Variants in SV2C observed in about 807,000 individuals in gnomAD.
The protein encoded by SV2C is solute carrier family 22 member B3.
A neutral mutation model predicts 79.7 loss-of-function variants in SV2C; 49 were observed. That is an observed-to-expected ratio of 0.61 (90% CI 0.49 to 0.78). The LOEUF (loss-of-function observed/expected upper bound fraction) is 0.78, where lower values mean the gene tolerates loss of function less well. Ranked by LOEUF, SV2C falls within the 30% of genes least tolerant of loss-of-function variation. The pLI is 0.00. For synonymous variants in SV2C, 334 were observed against 333.2 expected (o/e 1.00, Z -0.03); for missense variants, 833 against 912.9 (o/e 0.91, Z 1.13).
chr5:76,311,633 A>G (rs554857965), intron 12 of SV2C, among the ~76,000 whole-genome samples: 1 of 152,354 alleles, frequency 6.6e-6, no homozygotes, highest in South Asian at 2.1e-4. Context: ...CAGAGAGCCT[A>G]TTATATGTAA....
the SV2C span, among the ~76,000 whole-genome samples, chr5:76,009,986 ATTTTGTTTTTT>A: frequency 2.0e-5 from 2 of 100,008 alleles, no homozygotes; most frequent in African/African-American, 7.7e-5. Flanking sequence ...TTACTTATCT[ATTTTGTTTTTT>A]TTTTTTTTTT....
At chr5:76,214,348 C>A (rs1744853459) in intron 4 of SV2C, among the ~76,000 whole-genome samples, 1 of 152,126 alleles carries the variant, frequency 6.6e-6, no homozygotes, top group African/African-American at 2.4e-5. Flanking sequence ...ACTGTATAAG[C>A]ATGGGTTTAT....
chr5:76,211,681 A>G (rs1273955785), intron 4 of SV2C, among the ~76,000 whole-genome samples: 1 of 152,210 alleles, frequency 6.6e-6, no homozygotes, highest in Non-Finnish European at 1.5e-5. Context: ...GAACATGGTA[A>G]TATTTCATTA....
chr5:76,353,084 G>A (rs1294665816), intron 12 of SV2C: 1 of 451,050 alleles, frequency 2.2e-6, no homozygotes, highest in Admixed American at 2.4e-5. Context: ...AGGACTACAG[G>A]TGGGAGCCAC....
At chr5:76,157,899 G>T (rs1054317289) in intron 2 of SV2C, among the ~76,000 whole-genome samples, 2 of 151,810 alleles carry the variant, frequency 1.3e-5, no homozygotes, top group Admixed American at 1.3e-4. Flanking sequence ...CATCACAAAA[G>T]GGGAGAAAAG....
chr5:75,896,070 A>ATT, the SV2C span, among the ~76,000 whole-genome samples: 2 of 151,378 alleles, frequency 1.3e-5, no homozygotes, highest in South Asian at 2.1e-4. Flanking sequence ...ATTTTATTTT[A>ATT]TTATTATTAT....
At chr5:75,940,290 G>T in the SV2C span, among the ~76,000 whole-genome samples, 1 of 152,164 alleles carries the variant, frequency 6.6e-6, no homozygotes, top group Non-Finnish European at 1.5e-5. Flanking sequence ...CTTGGGCATG[G>T]GAGGCAGAGG....
chr5:76,220,380 T>C (rs990824056), intron 4 of SV2C, among the ~76,000 whole-genome samples: 6 of 152,060 alleles, frequency 3.9e-5, no homozygotes, highest in African/African-American at 1.4e-4. Flanking sequence ...AGTTAAAAAT[T>C]AGAATTGACA....
chr5:76,192,986 C>T (rs896033960), intron 2 of SV2C, among the ~76,000 whole-genome samples: 4 of 152,192 alleles, frequency 2.6e-5, no homozygotes. Context: ...CCAGAGGCCA[C>T]GTGAGAATTA....
the SV2C span, among the ~76,000 whole-genome samples, chr5:75,999,148 G>T: frequency 6.6e-6 from 1 of 151,948 alleles, no homozygotes; most frequent in Non-Finnish European, 1.5e-5. Context: ...GAACAGCATG[G>T]GAAAGACTTG....
At chr5:76,151,088 G>A (rs1306552028) in intron 2 of SV2C, among the ~76,000 whole-genome samples, 1 of 152,220 alleles carries the variant, frequency 6.6e-6, no homozygotes, top group Non-Finnish European at 1.5e-5. Flanking sequence ...CATTCTGTTT[G>A]AAGGAGGAGT....
the SV2C span, among the ~76,000 whole-genome samples, chr5:75,991,706 A>G: frequency 3.3e-5 from 5 of 150,996 alleles, no homozygotes; most frequent in Admixed American, 3.3e-4. Flanking sequence ...TCAGATAGAT[A>G]TATATATGCA....
intron 1 of SV2C, among the ~76,000 whole-genome samples, chr5:76,107,772 C>G (rs1191110120): frequency 1.3e-5 from 2 of 152,020 alleles, no homozygotes; most frequent in East Asian, 3.9e-4. Flanking sequence ...GAGAATCACT[C>G]AAACCCATGA....
intron 6 of SV2C, among the ~76,000 whole-genome samples, chr5:76,287,432 C>T (rs1249381352): frequency 1.3e-5 from 2 of 152,140 alleles, no homozygotes; most frequent in East Asian, 3.8e-4. Flanking sequence ...GGCACATGGG[C>T]ACACACATAC....
the SV2C span, among the ~76,000 whole-genome samples, chr5:75,972,610 A>G: frequency 6.6e-6 from 1 of 152,148 alleles, no homozygotes; most frequent in Non-Finnish European, 1.5e-5. Context: ...AGAAATGCAA[A>G]TCAAAACCAC....
chr5:76,024,865 G>C, the SV2C span, among the ~76,000 whole-genome samples: 1 of 152,156 alleles, frequency 6.6e-6, no homozygotes, highest in Admixed American at 6.5e-5. Flanking sequence ...AAATCTGCTT[G>C]TAAGTGGGCC....
At chr5:76,039,946 C>G in the SV2C span, among the ~76,000 whole-genome samples, 1 of 152,012 alleles carries the variant, frequency 6.6e-6, no homozygotes, top group African/African-American at 2.4e-5. Flanking sequence ...GTATCATTGT[C>G]TAACTCATTA....
At chr5:76,247,772 A>G (rs1745987310) in intron 4 of SV2C, among the ~76,000 whole-genome samples, 1 of 152,228 alleles carries the variant, frequency 6.6e-6, no homozygotes, top group Non-Finnish European at 1.5e-5. Flanking sequence ...TTTGTATTAA[A>G]ACAGAAAACA....
At chr5:76,056,624 C>CTTTTTTT in the SV2C span, among the ~76,000 whole-genome samples, 7 of 65,714 alleles carry the variant, frequency 1.1e-4, no homozygotes, top group African/African-American at 2.4e-4. Context: ...CCTGGGCTTT[C>CTTTTTTT]TTTTTTTTTT....
Sources: allele counts gnomAD v4.1 joint callset (sites outside exome capture counted in the v4.1 genomes callset), GRCh38; gene constraint gnomAD v4.1.1; transcripts MANE v1.5; gene names NCBI Gene and HGNC (gene_info 2026-07-23, HGNC 2026-07-21).